Variants in TIE1 observed in about 807,000 individuals in gnomAD.
The protein encoded by TIE1 is tyrosine kinase with immunoglobulin like and EGF like domains 1, also known as tyrosine-protein kinase receptor Tie-1.
TIE1 carries 89 observed loss-of-function variants against 130.5 expected under a neutral mutation model. The observed-to-expected ratio is 0.68, with a 90% CI of 0.57 to 0.81. TIE1 has a LOEUF of 0.81. TIE1 is among the 40% of genes least tolerant of loss of function. TIE1 has a pLI of 0.00. For missense variants in TIE1, 1,392 were observed against 1,559.8 expected, an observed-to-expected ratio of 0.89 and a Z score of 1.81; for synonymous variants, 568 against 629.4, an observed-to-expected ratio of 0.90 and a Z score of 1.46.
intron 9 of TIE1, among the ~76,000 whole-genome samples, chr1:43,311,099 G>A (rs1351579451): frequency 6.6e-6 from 1 of 152,146 alleles, no homozygotes; most frequent in Non-Finnish European, 1.5e-5. Flanking sequence ...GGCGGCCTGC[G>A]CAGACAGACC....
Position 43,309,302 on chromosome 1 carries a change from C to T in TIE1, c.1189-86C>T. 2 of 1,524,536 alleles carry T rather than the reference C, an allele frequency of 1.3e-6. No homozygotes were observed. Among genetic ancestry groups the T allele is most frequent in the Middle Eastern group, 1.9e-4 (1 of 5,164 alleles). 94.4% of individuals were successfully genotyped at this position (1,524,536 alleles called of 1,614,324 possible). A position where few individuals can be genotyped will look rare whatever the true frequency, so the allele number is the denominator to read the frequency against. ...AGGGGGCTGCCACTGGGCCTCTGTC[C>T]TGCCATCAGTCCAGACGGACACCTG... On this transcript the variant is annotated intron_variant, in intron 8 of 22. Transcript: ENST00000372476. The surrounding 1 kb of genome is among the most constrained non-coding windows in gnomAD (Gnocchi z 6.3).
In TIE1 at chr1:43,313,437, G is replaced by A; in HGVS notation, c.2218+12G>A. 1 of 1,613,388 alleles carries A rather than the reference G, an allele frequency of 6.2e-7. No individual in the cohort carries two copies. On this transcript the variant is annotated intron_variant, in intron 13 of 22. Coordinates refer to ENST00000372476, the MANE Select transcript of TIE1 (RefSeq NM_005424.5). The surrounding 1 kb of genome is among the most constrained non-coding windows in gnomAD (Gnocchi z 6.2). The stretch of plus-strand genomic sequence containing the variant: ...CACCCTGGGCAACGGTGAGAGGGCA[G>A]GGCCCACAGGACCCCCCGGGCTCTG...
At position 43,317,119 on chromosome 1, in the gene TIE1, C is replaced by T. The variant is rs1646865188; in HGVS notation, c.2410-80C>T. On this transcript the variant is annotated intron_variant, in intron 14 of 22. Transcript: ENST00000372476. This position sits in a 1 kb window ranked among gnomAD's most constrained non-coding sequence, Gnocchi z 5.1. Reference sequence around the variant, plus strand: ...CCCACTTGTCTGACACTGAAACCTCCTCGTGTGCCTGTCTGTGCCTCCTTC... The same window carrying T: ...CCCACTTGTCTGACACTGAAACCTCTTCGTGTGCCTGTCTGTGCCTCCTTC... The T allele has an allele frequency of 1.4e-6, 2 of 1,466,444 alleles. No homozygotes were observed. Among genetic ancestry groups the T allele is most frequent in the African/African-American group, 2.8e-5 (2 of 72,080 alleles). 90.8% of individuals were successfully genotyped at this position (1,466,444 alleles called of 1,614,324 possible).
chr1:43,305,177 A>AGGCGGGGGGAT lies in TIE1; in HGVS notation c.373+17_373+27dup, dbSNP rs1646715193. The AGGCGGGGGGAT allele has an allele frequency of 2.5e-6, 4 of 1,614,014 alleles. No homozygotes were observed. The highest frequency in any genetic ancestry group is 3.4e-6 in the Non-Finnish European group (4 of 1,179,950). ...CAACAGCCCTGGAGGTGAGTTAGGC[A>AGGCGGGGGGAT]GGCGGGGGGATGGCGCGGGGAAAAC... On this transcript the variant is annotated intron_variant, in intron 2 of 22. Transcript: ENST00000372476.
chr1:43,312,750 C>T lies in TIE1; in HGVS notation c.1927+149C>T. 7 of 942,168 alleles carry T rather than the reference C, an allele frequency of 7.4e-6. No homozygotes were observed. The highest frequency in any genetic ancestry group is 1.1e-5 in the Non-Finnish European group (7 of 654,396). 58.4% of individuals were successfully genotyped at this position (942,168 alleles called of 1,614,324 possible). On this transcript the variant is annotated intron_variant, in intron 12 of 22. Coordinates refer to ENST00000372476, the MANE Select transcript of TIE1 (RefSeq NM_005424.5). The surrounding 1 kb of genome is among the most constrained non-coding windows in gnomAD (Gnocchi z 5.6). Reference sequence around the variant, plus strand: ...CATAGGGTATTAGGCAGACGTGACCCCAGCGGGGACATGGGACTTGGGGAA... The same window carrying T: ...CATAGGGTATTAGGCAGACGTGACCTCAGCGGGGACATGGGACTTGGGGAA...
At position 43,317,018 on chromosome 1, in the gene TIE1, T is replaced by TTCTGTCTCAGTTATGTCC. The variant is rs1553125043; in HGVS notation, c.2410-173_2410-156dup. Among the ~76,000 whole-genome samples the TTCTGTCTCAGTTATGTCC allele has an allele frequency of 6.6e-6, 1 of 152,112 alleles. No homozygotes were observed. The highest frequency in any genetic ancestry group is 1.5e-5 in the Non-Finnish European group (1 of 68,034). On this transcript the variant is annotated intron_variant, in intron 14 of 22. Transcript: ENST00000372476. The surrounding 1 kb of genome is among the most constrained non-coding windows in gnomAD (Gnocchi z 5.1). ...CTACCTGTGGCTCTGTTACCTATGA[T>TTCTGTCTCAGTTATGTCC]TCTGTCTCAGTTATGTCCTCTGTCT...
chr1:43,321,164 C>A, intron 19 of TIE1, 105 bp from the exon 20 acceptor site: 1 of 1,183,344 alleles, frequency 8.5e-7, no homozygotes, highest in South Asian at 1.2e-5. Context: ...ACAGAGTAGA[C>A]ACATACAGCG....
At position 43,318,120 on chromosome 1, in the gene TIE1, G is replaced by A. The variant is rs375142555; in HGVS notation, c.2922+48G>A. 264 of 1,502,050 alleles carry A rather than the reference G, an allele frequency of 1.8e-4. No individual in the cohort carries two copies. The highest frequency in any genetic ancestry group is 2.2e-4 in the Non-Finnish European group (248 of 1,126,186). The allele number at this position is 1,502,050 out of a possible 1,614,324, so 93.0% of individuals were successfully genotyped here. A position where few individuals can be genotyped will look rare whatever the true frequency, so the allele number is the denominator to read the frequency against. Reference sequence around the variant, plus strand: ...GGAGGCCAGAGGGGGAAGCCACTGGGCTGGTGTCAGTGGAAGAAGTCAGCC... The same window carrying A: ...GGAGGCCAGAGGGGGAAGCCACTGGACTGGTGTCAGTGGAAGAAGTCAGCC... On this transcript the variant is annotated intron_variant, in intron 17 of 22. Transcript: ENST00000372476. The surrounding 1 kb of genome is among the most constrained non-coding windows in gnomAD (Gnocchi z 4.4).
chr1:43,311,604 G>A, intron 9 of TIE1, 67 bp from the exon 10 acceptor site: 1 of 1,540,480 alleles, frequency 6.5e-7, no homozygotes, highest in Non-Finnish European at 8.7e-7. Flanking sequence ...TCCCCAGCTT[G>A]AAACAAAGAT....
chr1:43,311,399 C>A (rs1191366804), intron 9 of TIE1, among the ~76,000 whole-genome samples: 2 of 152,134 alleles, frequency 1.3e-5, no homozygotes, highest in Middle Eastern at 3.4e-3. Flanking sequence ...TCTACCCCCA[C>A]ACTGCATGGG....
rs2153912960 is a variant in TIE1 at position 43,319,697 on chromosome 1, C to T, written c.3107+168C>T. Reference sequence around the variant, plus strand: ...TATAAAGTACCTAGCCAAGGTGGGGCTTGCTGGAAGGAGTCTTGGAAGGTG... The same window carrying T: ...TATAAAGTACCTAGCCAAGGTGGGGTTTGCTGGAAGGAGTCTTGGAAGGTG... On this transcript the variant is annotated intron_variant, in intron 19 of 22. Transcript: ENST00000372476. This position sits in a 1 kb window ranked among gnomAD's most constrained non-coding sequence, Gnocchi z 4.7. 3.0e-6 allele frequency: 2 copies of T among 671,100 alleles called. No individual in the cohort carries two copies. Among genetic ancestry groups the T allele is most frequent in the South Asian group, 3.5e-5 (2 of 56,382 alleles). The allele number at this position is 671,100 out of a possible 1,614,324, so 41.6% of individuals were successfully genotyped here.
At chr1:43,308,020 C>T (rs560995345) in intron 7 of TIE1, 96 bp downstream of exon 7, 38 of 1,532,584 alleles carry the variant, frequency 2.5e-5, no homozygotes, top group Admixed American at 7.2e-5. Context: ...CCTTTCCCTA[C>T]GAGGGTCCAA....
At position 43,321,686 on chromosome 1, in the gene TIE1, C is replaced by T. The variant is rs1233926449; in HGVS notation, c.3316C>T (p.Gln1106Ter). 1.9e-6 allele frequency: 3 copies of T among 1,553,126 alleles called. No homozygotes were observed. Among genetic ancestry groups the T allele is most frequent in the Middle Eastern group, 1.7e-4 (1 of 5,992 alleles). Residue 1106 changes from glutamine (Q) to a stop codon, truncating the protein, a stop_gained, in exon 22 of 23, where the codon CAG (glutamine) becomes TAG (stop). Transcript: ENST00000372476. LOFTEE classifies it high-confidence loss of function. Reference protein sequence around the residue: ...ERPPFAQIALQLGRMLEARKA... With the variant: ...ERPPFAQIAL ...ACCCCCCTTTGCCCAGATTGCGCTACAGCTAGGCCGCATGCTGGAAGCCAG... is the reference window on the plus strand; with the variant it reads ...ACCCCCCTTTGCCCAGATTGCGCTATAGCTAGGCCGCATGCTGGAAGCCAG...
At position 43,317,738 on chromosome 1, in the gene TIE1, C is replaced by A. The variant is rs1192925326; in HGVS notation, c.2731+64C>A. The A allele has an allele frequency of 2.7e-6, 4 of 1,487,542 alleles. No homozygotes were observed. Among genetic ancestry groups the A allele is most frequent in the Non-Finnish European group, 1.8e-6 (2 of 1,086,572 alleles). 92.1% of individuals were successfully genotyped at this position (1,487,542 alleles called of 1,614,324 possible). ...CCCCATCCTCAGCCATCACCTCCAC[C>A]ACATGAGTAGCTTGCCAGGGGCTGC... On this transcript the variant is annotated intron_variant, in intron 16 of 22. Coordinates refer to ENST00000372476, the MANE Select transcript of TIE1 (RefSeq NM_005424.5). This position sits in a 1 kb window ranked among gnomAD's most constrained non-coding sequence, Gnocchi z 5.1.
Position 43,317,711 on chromosome 1 carries a change from A to G in TIE1, c.2731+37A>G, listed in dbSNP as rs1646872897. The G allele has an allele frequency of 6.5e-7, 1 of 1,529,160 alleles. No homozygotes were observed. Among genetic ancestry groups the G allele is most frequent in the Non-Finnish European group, 8.9e-7 (1 of 1,127,248 alleles). The allele number at this position is 1,529,160 out of a possible 1,614,324, so 94.7% of individuals were successfully genotyped here. On this transcript the variant is annotated intron_variant, in intron 16 of 22. Coordinates refer to ENST00000372476, the MANE Select transcript of TIE1 (RefSeq NM_005424.5). The surrounding 1 kb of genome is among the most constrained non-coding windows in gnomAD (Gnocchi z 5.1). ...GCTCATCACCTACCCCTTCTTCCAAACCCCCATCCTCAGCCATCACCTCCA... is the reference window on the plus strand; with the variant it reads ...GCTCATCACCTACCCCTTCTTCCAAGCCCCCATCCTCAGCCATCACCTCCA...
Position 43,317,115 on chromosome 1 carries a change from C to T in TIE1, c.2410-84C>T, listed in dbSNP as rs1194821497. 1.5e-5 allele frequency: 21 copies of T among 1,438,584 alleles called. No homozygotes were observed. The highest frequency in any genetic ancestry group is 2.0e-5 in the Non-Finnish European group (21 of 1,026,444). The allele number at this position is 1,438,584 out of a possible 1,614,324, so 89.1% of individuals were successfully genotyped here. A position where few individuals can be genotyped will look rare whatever the true frequency, so the allele number is the denominator to read the frequency against. On this transcript the variant is annotated intron_variant, in intron 14 of 22. Coordinates refer to ENST00000372476, the MANE Select transcript of TIE1 (RefSeq NM_005424.5). The surrounding 1 kb of genome is among the most constrained non-coding windows in gnomAD (Gnocchi z 5.1). ...TCTGCCCACTTGTCTGACACTGAAA[C>T]CTCCTCGTGTGCCTGTCTGTGCCTC...
Position 43,307,067 on chromosome 1 carries a change from C to T in TIE1, c.640+72C>T, listed in dbSNP as rs757966857. The T allele has an allele frequency of 2.5e-6, 4 of 1,612,574 alleles. No homozygotes were observed. The highest frequency in any genetic ancestry group is 1.3e-5 in the African/African-American group (1 of 74,962). On this transcript the variant is annotated intron_variant, in intron 4 of 22. Transcript: ENST00000372476. The surrounding 1 kb of genome is among the most constrained non-coding windows in gnomAD (Gnocchi z 5.4). Reference sequence around the variant, plus strand: ...GCCCTATGGGTACTTCCTGTGGGTCCCCTGGAGCCCCTGGATCTCCAGTCC... The same window carrying T: ...GCCCTATGGGTACTTCCTGTGGGTCTCCTGGAGCCCCTGGATCTCCAGTCC...
rs746994997 is a variant in TIE1, at chr1:43,312,033, C to T, written c.1532C>T (p.Pro511Leu). 1 of 1,605,374 alleles carries T rather than the reference C, an allele frequency of 6.2e-7. No individual in the cohort carries two copies. Residue 511 changes from proline to leucine, a missense_variant, in exon 11 of 23, where the codon CCA becomes CTA. This residue lies in a region of TIE1 where 551 missense variants were observed against 565.5 expected (regional missense o/e 0.97). Transcript: ENST00000372476. The surrounding 1 kb of genome is among the most constrained non-coding windows in gnomAD (Gnocchi z 5.6). ...AACGTGACGTTAATGAACCTGAGGC[C>T]AAAGACAGGATACAGTGTTCGTGTG... ...SENVTLMNLR[P>L]KTGYSVRVQL...
rs1212646597 is a variant in TIE1, at chr1:43,321,318, C to T, written c.3148+9C>T. The T allele has an allele frequency of 1.9e-6, 3 of 1,614,078 alleles. No homozygotes were observed. The highest frequency in any genetic ancestry group is 2.5e-6 in the Non-Finnish European group (3 of 1,180,016). On this transcript the variant is annotated intron_variant, in intron 20 of 22. Coordinates refer to ENST00000372476, the MANE Select transcript of TIE1 (RefSeq NM_005424.5). ...GGAGATAGTGAGCCTTGGTGAGTTCCTGATCCCCGTCCCCCAGAGTGCCCC... is the reference window on the plus strand; with the variant it reads ...GGAGATAGTGAGCCTTGGTGAGTTCTTGATCCCCGTCCCCCAGAGTGCCCC...
Sources: gnomAD v4.1 joint callset for allele counts (sites outside exome capture counted in the v4.1 genomes callset) on GRCh38, gnomAD v4.1.1 for gene constraint, gnomAD v4.1.1 regional missense constraint, Gnocchi (gnomAD v3.1) non-coding constraint, MANE v1.5 for transcripts, NCBI Gene and HGNC (gene_info 2026-07-23, HGNC 2026-07-21) for gene names.